Variants in PTTG1IP2 observed in about 807,000 individuals in gnomAD.
The protein encoded by PTTG1IP2 is PTTG1IP family member 2.
At chr7:90,478,359 T>A (rs1260051611) in intron 1 of PTTG1IP2, among the ~76,000 whole-genome samples, 1 of 152,186 alleles carries the variant, frequency 6.6e-6, no homozygotes, top group Non-Finnish European at 1.5e-5. Context: ...CAGCAGAATC[T>A]TTACCATTCA....
chr7:90,504,271 A>G (rs17865852), intron 6 of PTTG1IP2, among the ~76,000 whole-genome samples: 7,862 of 151,962 alleles, frequency 0.052, 495 homozygotes, highest in East Asian at 0.16. Context: ...AGCCAAGATC[A>G]CGCCACTGCA....
chr7:90,479,007 T>A (rs1797784913), intron 1 of PTTG1IP2, among the ~76,000 whole-genome samples: 1 of 152,198 alleles, frequency 6.6e-6, no homozygotes, highest in South Asian at 2.1e-4. Flanking sequence ...TGGATGATGC[T>A]ATTTCATGTT....
chr7:90,489,260 T>C (rs983501979), intron 4 of PTTG1IP2, among the ~76,000 whole-genome samples: 1 of 151,946 alleles, frequency 6.6e-6, no homozygotes, highest in Non-Finnish European at 1.5e-5. Flanking sequence ...TTGATGGTTA[T>C]GTTTTCTTTT....
chr7:90,508,382 G>A (rs534501094), intron 6 of PTTG1IP2, among the ~76,000 whole-genome samples: 1 of 152,182 alleles, frequency 6.6e-6, no homozygotes, highest in East Asian at 1.9e-4. Flanking sequence ...GATCAAATAA[G>A]GCTTAATGGA....
chr7:90,501,086 A>G (rs1005977919), intron 6 of PTTG1IP2, among the ~76,000 whole-genome samples: 3 of 152,196 alleles, frequency 2.0e-5, no homozygotes, highest in Non-Finnish European at 2.9e-5. Context: ...CCCAAAGCAG[A>G]GATTGGGCCA....
At position 90,489,126 on chromosome 7, in the gene PTTG1IP2, G is replaced by GA. The variant is rs773234003; in HGVS notation, c.380+175dup. The stretch of plus-strand genomic sequence containing the variant: ...CCAAAAAGTACGGAAATTGTAAAAT[G>GA]AAAAAAAAAAAAAGTTTAACTTTCT... On this transcript the variant is annotated intron_variant, in intron 4 of 6. Coordinates refer to ENST00000509356, the MANE Select transcript of PTTG1IP2 (RefSeq NM_001365443.2). Among the ~76,000 whole-genome samples the GA allele has an allele frequency of 4.8e-3, 662 of 138,006 alleles. 4 individuals carry two copies. The highest frequency in any genetic ancestry group is 0.015 in the African/African-American group (555 of 37,904). 90.5% of individuals were successfully genotyped at this position (138,006 alleles called of 152,430 possible). A position where few individuals can be genotyped will look rare whatever the true frequency, so the allele number is the denominator to read the frequency against.
At chr7:90,500,621 T>C (rs1010811010) in intron 6 of PTTG1IP2, among the ~76,000 whole-genome samples, 5 of 152,208 alleles carry the variant, frequency 3.3e-5, no homozygotes, top group African/African-American at 9.7e-5. Flanking sequence ...AAGTGTCATG[T>C]AGTCACAAGG....
intron 6 of PTTG1IP2, among the ~76,000 whole-genome samples, chr7:90,503,681 T>C (rs573864026): frequency 1.8e-4 from 27 of 152,286 alleles, no homozygotes; most frequent in Middle Eastern, 3.4e-3. Flanking sequence ...TCAGAACACA[T>C]ACAACATGTA....
intron 1 of PTTG1IP2, among the ~76,000 whole-genome samples, chr7:90,472,379 A>G (rs936408386): frequency 2.0e-5 from 3 of 151,974 alleles, no homozygotes; most frequent in Non-Finnish European, 4.4e-5. Flanking sequence ...ATTTCCCACA[A>G]GTGCTTTGAG....
intron 6 of PTTG1IP2, among the ~76,000 whole-genome samples, chr7:90,501,545 C>CTGTG (rs1798061575): frequency 6.6e-6 from 1 of 152,100 alleles, no homozygotes; most frequent in South Asian, 2.1e-4. Flanking sequence ...TGGTGTGCAC[C>CTGTG]TGTGGTACTA....
intron 2 of PTTG1IP2, among the ~76,000 whole-genome samples, chr7:90,483,912 T>C (rs935918733): frequency 2.0e-5 from 3 of 152,180 alleles, no homozygotes; most frequent in Non-Finnish European, 4.4e-5. Flanking sequence ...TGCCACATCT[T>C]TCACAGTCCT....
chr7:90,499,783 A>T (rs1291698230), intron 6 of PTTG1IP2, among the ~76,000 whole-genome samples: 2 of 152,034 alleles, frequency 1.3e-5, no homozygotes, highest in Non-Finnish European at 2.9e-5. Flanking sequence ...GGGTTTCATC[A>T]TGTTGGCCAG....
intron 6 of PTTG1IP2, among the ~76,000 whole-genome samples, chr7:90,502,971 T>C (rs758391029): frequency 2.0e-5 from 3 of 152,218 alleles, no homozygotes; most frequent in Admixed American, 6.5e-5. Flanking sequence ...TTTCTGGCCA[T>C]GATAGCCCTG....
Position 90,472,593 on chromosome 7 carries a change from T to C in PTTG1IP2, c.145+2662T>C, listed in dbSNP as rs17869741. ...GAACACACCAAGAATATTTGTCACA[T>C]ACTCTAAGCTTACTTATTGTGGTGG... On this transcript the variant is annotated intron_variant, in intron 1 of 6. Coordinates refer to ENST00000509356, the MANE Select transcript of PTTG1IP2 (RefSeq NM_001365443.2). Among the ~76,000 whole-genome samples, 556 of 152,340 alleles carry C rather than the reference T, an allele frequency of 3.6e-3. 29 individuals are homozygous for C. In the East Asian group the frequency reaches 0.089, roughly 24 times the overall value.
rs374465639 is a variant in PTTG1IP2, at chr7:90,498,502, AAG to A, written c.*50+4077_*50+4078del. Among the ~76,000 whole-genome samples, 821 of 152,306 alleles carry A rather than the reference AAG, an allele frequency of 5.4e-3. 10 individuals are homozygous for A. The highest frequency in any genetic ancestry group is 0.019 in the African/African-American group (787 of 41,564). On this transcript the variant is annotated intron_variant, in intron 6 of 6. Coordinates refer to ENST00000509356, the MANE Select transcript of PTTG1IP2 (RefSeq NM_001365443.2). Reference sequence around the variant, plus strand: ...GATATTCAACACAAATTGAAACCAAAAGAGAGCAGGGGTAGCTATACTTATAT... The same window carrying A: ...GATATTCAACACAAATTGAAACCAAAAGAGCAGGGGTAGCTATACTTATAT...
chr7:90,498,797 A>G (rs1334388738), intron 6 of PTTG1IP2, among the ~76,000 whole-genome samples: 1 of 152,316 alleles, frequency 6.6e-6, no homozygotes, highest in Admixed American at 6.5e-5. Flanking sequence ...TGGTAATGGT[A>G]TTTAACTTCT....
chr7:90,478,857 G>T (rs1304962393), intron 1 of PTTG1IP2, among the ~76,000 whole-genome samples: 16 of 150,976 alleles, frequency 1.1e-4, no homozygotes, highest in African/African-American at 3.6e-4. Flanking sequence ...TATTTAAAGG[G>T]TTAATTAGTT....
intron 2 of PTTG1IP2, among the ~76,000 whole-genome samples, chr7:90,481,072 A>G (rs1797810262): frequency 6.6e-6 from 1 of 152,122 alleles, no homozygotes. Context: ...CTTCATTAGG[A>G]GGTAGATAAG....
chr7:90,485,608 C>T (rs756588152), intron 2 of PTTG1IP2, among the ~76,000 whole-genome samples: 2 of 152,112 alleles, frequency 1.3e-5, no homozygotes, highest in Non-Finnish European at 2.9e-5. Context: ...CCTGGCTGGG[C>T]AGTGAGTTGT....
Sources: allele counts gnomAD v4.1 joint callset (sites outside exome capture counted in the v4.1 genomes callset), GRCh38; gene constraint gnomAD v4.1.1; transcripts MANE v1.5; gene names NCBI Gene and HGNC (gene_info 2026-07-23, HGNC 2026-07-21).